Variants in AIM2 observed in about 807,000 individuals in gnomAD.
AIM2 encodes interferon-inducible protein AIM2.
AIM2 carries 30 observed loss-of-function variants against 27.7 expected under a neutral mutation model. The ratio of observed to expected loss-of-function variants is 1.08; its 90% CI spans 0.81 to 1.47. The LOEUF (loss-of-function observed/expected upper bound fraction) is 1.47. Among genes scored for constraint, AIM2 ranks in the 40% most tolerant of loss-of-function variants. The pLI is 0.00. For missense variants in AIM2, 358 were observed against 411.3 expected (o/e 0.87, Z 1.12); for synonymous variants, 141 against 145.3 (o/e 0.97, Z 0.21).
intron 2 of AIM2, among the ~76,000 whole-genome samples, chr1:159,071,759 C>G (rs1347283104): frequency 6.6e-6 from 1 of 152,248 alleles, no homozygotes; most frequent in Non-Finnish European, 1.5e-5. Context: ...ATCCACCCGC[C>G]TTGGCCTCCC....
At chr1:159,063,315 A>C (rs766767695) in intron 5 of AIM2, among the ~76,000 whole-genome samples, 171 bp downstream of exon 5, 14 of 152,206 alleles carry the variant, frequency 9.2e-5, no homozygotes, top group Non-Finnish European at 1.9e-4. Context: ...CTGTGTATCT[A>C]GAATACATGT....
chr1:159,059,000 C>A (rs1655745503), downstream of AIM2, among the ~76,000 whole-genome samples: 1 of 152,168 alleles, frequency 6.6e-6, no homozygotes, highest in East Asian at 1.9e-4. Context: ...CACACTCTGC[C>A]CAGTGTGCGG....
intron 1 of AIM2, among the ~76,000 whole-genome samples, chr1:159,099,060 T>A (rs547188939): frequency 6.6e-6 from 1 of 151,776 alleles, no homozygotes; most frequent in East Asian, 1.9e-4. Context: ...TTCAAGAAAG[T>A]CAGACTGTTG....
rs76824366 is a variant in AIM2, at chr1:159,097,032, G to T, written c.-15-30703C>A. On this transcript the variant is annotated intron_variant, in intron 1 of 2. Transcript: ENST00000368129. ...GGATTGTAAAAAAGAAAATAAAGTC[G>T]GGAAGTAGGCAGATCCCTACCTCTC... 7.6e-3 allele frequency among the ~76,000 whole-genome samples: 1,163 copies of T among 152,028 alleles called. 17 individuals are homozygous for T. Among genetic ancestry groups the T allele is most frequent in the African/African-American group, 0.027 (1,108 of 41,468 alleles).
In AIM2 at chr1:159,134,618, G is replaced by A. The variant is rs530754557; in HGVS notation, c.-16+5813C>T. ...AGGCGGAGGCGGGTGGATTACCTGA[G>A]GTCAGGAGTTCAAGACCAGCCTGGA... On this transcript the variant is annotated intron_variant, in intron 1 of 2. Coordinates refer to the AIM2 transcript ENST00000368129. Among the ~76,000 whole-genome samples the A allele has an allele frequency of 1.0e-3, 155 of 152,304 alleles. 1 individual carries two copies. Among genetic ancestry groups the A allele is most frequent in the Non-Finnish European group, 2.0e-3 (135 of 68,036 alleles).
intron 1 of AIM2, among the ~76,000 whole-genome samples, chr1:159,088,835 C>T (rs1348131535): frequency 6.6e-6 from 1 of 152,106 alleles, no homozygotes; most frequent in East Asian, 1.9e-4. Context: ...GCAAGAAGGC[C>T]CTCACCAGAT....
chr1:159,078,468 G>C (rs1656689712), upstream of AIM2, among the ~76,000 whole-genome samples: 1 of 152,204 alleles, frequency 6.6e-6, no homozygotes. Flanking sequence ...GTAACCTACT[G>C]AGTAAACGAG....
chr1:159,146,404 A>G (rs1256925612), intron 1 of AIM2, among the ~76,000 whole-genome samples: 1 of 151,110 alleles, frequency 6.6e-6, no homozygotes, highest in Non-Finnish European at 1.5e-5. Flanking sequence ...GTAGATTCCC[A>G]GTCCTGTCTT....
intron 1 of AIM2, among the ~76,000 whole-genome samples, chr1:159,090,528 T>A (rs1422843137): frequency 2.0e-5 from 3 of 152,258 alleles, no homozygotes. Flanking sequence ...ATTCCATGCC[T>A]TTCAATTTTT....
intron 1 of AIM2, among the ~76,000 whole-genome samples, chr1:159,126,829 A>C (rs768210013): frequency 6.6e-6 from 1 of 152,116 alleles, no homozygotes; most frequent in Admixed American, 6.6e-5. Context: ...TAGACAAAAA[A>C]CCTGGAAAAA....
chr1:159,077,701 C>T (rs911828437), upstream of AIM2, among the ~76,000 whole-genome samples: 3 of 152,156 alleles, frequency 2.0e-5, no homozygotes, highest in African/African-American at 7.2e-5. Context: ...GACTGCTTGC[C>T]TCAAAAGCAT....
chr1:159,075,534 TACACACACACAC>T lies in AIM2; in HGVS notation c.-21+1087_-21+1098del, dbSNP rs55988373. ...GCAAAAACTGGGCAGATACCTGCAA[TACACACACACAC>T]ACACACACACACACACACACACACA... On this transcript the variant is annotated intron_variant, in intron 1 of 5. Coordinates refer to ENST00000368130, the MANE Select transcript of AIM2 (RefSeq NM_004833.3). 1.6e-4 allele frequency among the ~76,000 whole-genome samples: 21 copies of T among 129,534 alleles called. No homozygotes were observed. In the East Asian group the frequency reaches 2.3e-3, roughly 14 times the overall value. The allele number at this position is 129,534 out of a possible 152,430, so 85.0% of individuals were successfully genotyped here. A position where few individuals can be genotyped will look rare whatever the true frequency, so the allele number is the denominator to read the frequency against.
chr1:159,125,548 G>A (rs1211948925), intron 1 of AIM2, among the ~76,000 whole-genome samples: 1 of 152,216 alleles, frequency 6.6e-6, no homozygotes, highest in Non-Finnish European at 1.5e-5. Flanking sequence ...GCCACGGAAA[G>A]CCAGAGAGAG....
At chr1:159,093,886 C>A (rs1657108872) in intron 1 of AIM2, among the ~76,000 whole-genome samples, 1 of 140,452 alleles carries the variant, frequency 7.1e-6, no homozygotes, top group Non-Finnish European at 1.6e-5. Context: ...CAGGCGCCTA[C>A]CACCATGCCT....
At chr1:159,141,624 A>T (rs1444937967), upstream of AIM2, among the ~76,000 whole-genome samples, 1 of 152,088 alleles carries the variant, frequency 6.6e-6, no homozygotes, top group Non-Finnish European at 1.5e-5. Flanking sequence ...CTCTGCCGGG[A>T]CTCGAACCCG....
intron 4 of AIM2, among the ~76,000 whole-genome samples, chr1:159,064,145 A>T (rs973819890): frequency 4.6e-5 from 7 of 152,230 alleles, no homozygotes; most frequent in African/African-American, 2.4e-5. Context: ...TATGCAGATT[A>T]TCAACTGCTC....
intron 1 of AIM2, among the ~76,000 whole-genome samples, chr1:159,133,850 T>C (rs1365630896): frequency 6.6e-6 from 1 of 152,200 alleles, no homozygotes; most frequent in Admixed American, 6.5e-5. Flanking sequence ...TACTTTTTCC[T>C]ATGTGATCTT....
At chr1:159,120,076 G>A (rs1327532281) in intron 1 of AIM2, among the ~76,000 whole-genome samples, 2 of 151,766 alleles carry the variant, frequency 1.3e-5, no homozygotes, top group African/African-American at 4.8e-5. Context: ...TAATTTCTTT[G>A]TTTCTATATT....
intron 1 of AIM2, among the ~76,000 whole-genome samples, chr1:159,125,407 A>G (rs751086052): frequency 2.0e-5 from 3 of 152,246 alleles, no homozygotes; most frequent in Non-Finnish European, 2.9e-5. Context: ...AAGTCCATAT[A>G]GTGATTTTCA....
Sources: allele counts gnomAD v4.1 joint callset (sites outside exome capture counted in the v4.1 genomes callset), GRCh38; gene constraint gnomAD v4.1.1; transcripts MANE v1.5; gene names NCBI Gene and HGNC (gene_info 2026-07-23, HGNC 2026-07-21).